The following CHAF1A variants were observed in gnomAD, a reference collection of about 807,000 sequenced individuals.
The protein encoded by CHAF1A is CAF-1 subunit A.
A neutral mutation model predicts 93.2 loss-of-function variants in CHAF1A; 5 were observed. The ratio of observed to expected loss-of-function variants is 0.05; its 90% confidence interval spans 0.03 to 0.11. The LOEUF is 0.11. Among genes scored for constraint, CHAF1A ranks in the 10% least tolerant of loss-of-function variants. The probability of loss-of-function intolerance (pLI) is 1.00; values close to 1 mark genes in which losing one functional copy is unlikely to be tolerated. For synonymous variants in CHAF1A, 504 were observed against 510.3 expected (o/e 0.99, Z 0.17); for missense variants, 1,102 against 1,259.9 (o/e 0.87, Z 1.90).
At chr19:4,420,550 T>C (rs1973973653) in intron 4 of CHAF1A, among the ~76,000 whole-genome samples, 1 of 152,184 alleles carries the variant, frequency 6.6e-6, no homozygotes, top group African/African-American at 2.4e-5. Flanking sequence ...TGAGCATGTT[T>C]AACATTGAAC....
At chr19:4,421,782 A>C (rs1012916813) in intron 4 of CHAF1A, among the ~76,000 whole-genome samples, 10 of 152,160 alleles carry the variant, frequency 6.6e-5, no homozygotes, top group African/African-American at 2.2e-4. Context: ...CTCAAGAAAA[A>C]TAAAATCACT....
chr19:4,443,420 A>G (rs1351780614), downstream of CHAF1A: 1 of 205,066 alleles, frequency 4.9e-6, no homozygotes, highest in East Asian at 1.6e-4. Flanking sequence ...GTCTTTTCCG[A>G]AAACATTGTG....
chr19:4,445,244 G>A, downstream of CHAF1A: 1 of 499,610 alleles, frequency 2.0e-6, no homozygotes, highest in South Asian at 2.1e-5. Flanking sequence ...TTACCAAGCA[G>A]CTAGGGAGGG....
chr19:4,417,096 T>G (rs1037100253), intron 3 of CHAF1A, among the ~76,000 whole-genome samples: 1 of 152,104 alleles, frequency 6.6e-6, no homozygotes. Context: ...CCCAGACTCC[T>G]GGGTAGCTAG....
intron 3 of CHAF1A, among the ~76,000 whole-genome samples, chr19:4,411,644 C>CTTTTTTTCTTTTTTTTTT (rs1973802289): frequency 2.1e-5 from 1 of 48,204 alleles, no homozygotes; most frequent in African/African-American, 7.9e-5. Context: ...TGGTGCAAAT[C>CTTTTTTTCTTTTTTTTTT]TTTTTTTTTT....
chr19:4,416,156 A>C (rs957569879), intron 3 of CHAF1A, among the ~76,000 whole-genome samples: 2 of 152,138 alleles, frequency 1.3e-5, no homozygotes, highest in Non-Finnish European at 2.9e-5. Flanking sequence ...CCTGGGCGAC[A>C]GAGCGAGACT....
chr19:4,445,285 C>A, downstream of CHAF1A: 4 of 733,000 alleles, frequency 5.5e-6, no homozygotes, highest in Non-Finnish European at 8.8e-6. Flanking sequence ...CAGGCCTCTC[C>A]CTCGGGGGCT....
Position 4,409,212 on chromosome 19 carries a change from C to G in CHAF1A, c.413C>G (p.Ser138Cys). 6.2e-7 allele frequency: 1 copy of G among 1,614,214 alleles called. No individual in the cohort carries two copies. The highest frequency in any genetic ancestry group is 8.5e-7 in the Non-Finnish European group (1 of 1,180,046). Residue 138 changes from serine to cysteine, a missense_variant, in exon 3 of 15, where the codon TCT becomes TGT. By Grantham distance (112) the Ser-to-Cys change is moderately radical. Coordinates refer to ENST00000301280, the MANE Select transcript of CHAF1A (RefSeq NM_005483.3). Reference sequence around the variant, plus strand: ...CTTGTGGACCACAATAAACTAAATTCTGAAGCCTCTCCCTCCAGGGAGGCA... The same window carrying G: ...CTTGTGGACCACAATAAACTAAATTGTGAAGCCTCTCCCTCCAGGGAGGCA... ...DSLVDHNKLNSEASPSREAIN... is the reference protein window; with the variant it reads ...DSLVDHNKLNCEASPSREAIN...
chr19:4,411,642 A>ATTTTTTTTTTTTTTTTTTTTTT (rs1202069647), intron 3 of CHAF1A, among the ~76,000 whole-genome samples: 11 of 38,070 alleles, frequency 2.9e-4, no homozygotes, highest in Non-Finnish European at 4.2e-4. Flanking sequence ...AATGGTGCAA[A>ATTTTTTTTTTTTTTTTTTTTTT]TCTTTTTTTT....
chr19:4,443,222 C>T lies in CHAF1A; in HGVS notation c.*197C>T, dbSNP rs1974430386. 1.7e-6 allele frequency: 1 copy of T among 590,532 alleles called. No individual in the cohort carries two copies. Among genetic ancestry groups the T allele is most frequent in the East Asian group, 3.0e-5 (1 of 32,850 alleles). The allele number at this position is 590,532 out of a possible 1,614,324, so 36.6% of individuals were successfully genotyped here. On this transcript the variant is annotated 3_prime_UTR_variant, in exon 15 of 15. Coordinates refer to ENST00000301280, the MANE Select transcript of CHAF1A (RefSeq NM_005483.3). ...CCCCCAAGAGCCGCATATGAATCTG[C>T]CCTTTAATAAAGCATTATTGAGATT...
In CHAF1A at chr19:4,433,187, G is replaced by A. The variant is rs763089794; in HGVS notation, c.2321G>A (p.Arg774Gln). Residue 774 changes from arginine to glutamine, a missense_variant, in exon 13 of 15, where the codon CGG becomes CAG. Around this residue, in one of 6 missense-constraint regions of CHAF1A, gnomAD observed 335 missense variants for 361.9 expected, o/e 0.93. Coordinates refer to ENST00000301280, the MANE Select transcript of CHAF1A (RefSeq NM_005483.3). The surrounding 1 kb of genome is among the most constrained non-coding windows in gnomAD (Gnocchi z 5.6). ...CTCAGCAACCACACCGGCAGCCCGC[G>A]GAGCCCCTCCACCACCTACCTGCAC... Reference protein sequence around the residue: ...GLLSNHTGSPRSPSTTYLHTP... With the variant: ...GLLSNHTGSPQSPSTTYLHTP... The A allele has an allele frequency of 1.9e-5, 31 of 1,613,712 alleles. No individual in the cohort carries two copies. Among genetic ancestry groups the A allele is most frequent in the Admixed American group, 3.3e-5 (2 of 59,998 alleles).
chr19:4,447,892 G>T, downstream of CHAF1A: 1 of 527,054 alleles, frequency 1.9e-6, no homozygotes, highest in Non-Finnish European at 3.5e-6. Context: ...TAACCACAGC[G>T]GTGGGGAAGC....
downstream of CHAF1A, chr19:4,446,313 C>T (rs186322973): frequency 3.3e-5 from 52 of 1,571,558 alleles, no homozygotes; most frequent in Admixed American, 2.2e-4. Flanking sequence ...GGGAGGCGCA[C>T]GCGCAGCAGC....
chr19:4,421,708 C>T (rs944965577), intron 4 of CHAF1A, among the ~76,000 whole-genome samples: 2 of 152,070 alleles, frequency 1.3e-5, no homozygotes, highest in African/African-American at 4.8e-5. Context: ...CCTGGGAGGT[C>T]GAGGCTGCAG....
At chr19:4,444,138 A>G (rs1358225839), downstream of CHAF1A, among the ~76,000 whole-genome samples, 3 of 152,172 alleles carry the variant, frequency 2.0e-5, no homozygotes, top group Admixed American at 2.0e-4. Flanking sequence ...TGGGGCCTGC[A>G]GGACGCAGGA....
At chr19:4,441,804 A>G (rs1974394962) in intron 13 of CHAF1A, among the ~76,000 whole-genome samples, 1 of 152,146 alleles carries the variant, frequency 6.6e-6, no homozygotes, top group Non-Finnish European at 1.5e-5. Context: ...AGGCTGAGGC[A>G]GGAGAATGGC....
intron 1 of CHAF1A, among the ~76,000 whole-genome samples, chr19:4,405,111 A>G (rs1425369220): frequency 6.6e-6 from 1 of 152,136 alleles, no homozygotes; most frequent in Admixed American, 6.6e-5. Flanking sequence ...TTCCACTTTC[A>G]TTTCATGAAA....
At chr19:4,429,837 GTC>G (rs772162661) in intron 10 of CHAF1A, 49 bp downstream of exon 10, 7 of 1,520,366 alleles carry the variant, frequency 4.6e-6, no homozygotes, top group African/African-American at 1.4e-5. Flanking sequence ...TTGTGTTTGA[GTC>G]TCTGTCCCAC....
intron 1 of CHAF1A, among the ~76,000 whole-genome samples, chr19:4,403,544 A>G (rs1283394033): frequency 6.6e-6 from 1 of 152,286 alleles, no homozygotes; most frequent in Non-Finnish European, 1.5e-5. Context: ...ATGAAGGGCT[A>G]GAATGGACGC....
Sources: allele counts gnomAD v4.1 joint callset (sites outside exome capture counted in the v4.1 genomes callset), GRCh38; gene constraint gnomAD v4.1.1; regional missense constraint gnomAD v4.1.1; non-coding constraint Gnocchi (gnomAD v3.1); transcripts MANE v1.5; gene names NCBI Gene and HGNC (gene_info 2026-07-23, HGNC 2026-07-21).